The following CPT1A variants were observed in gnomAD, a reference collection of about 807,000 sequenced individuals.
CPT1A encodes the protein carnitine O-palmitoyltransferase 1, liver isoform.
CPT1A carries 64 observed loss-of-function variants against 100.8 expected under a neutral mutation model. The ratio of observed to expected loss-of-function variants is 0.63; its 90% CI spans 0.52 to 0.78. The LOEUF is 0.78. Ranked by LOEUF, CPT1A falls within the 30% of genes least tolerant of loss-of-function variation. The probability of loss-of-function intolerance (pLI) is 0.00; values close to 1 mark genes in which losing one functional copy is unlikely to be tolerated. For missense variants in CPT1A, 802 were observed against 1,034.1 expected, an observed-to-expected ratio of 0.78 and a Z score of 3.08; for synonymous variants, 363 against 396.0, an observed-to-expected ratio of 0.92 and a Z score of 0.99.
intron 14 of CPT1A, among the ~76,000 whole-genome samples, chr11:68,765,600 T>A (rs1012758013): frequency 6.6e-6 from 1 of 152,210 alleles, no homozygotes; most frequent in African/African-American, 2.4e-5. Flanking sequence ...TTGGTAGGGC[T>A]TCCAAAGCAG....
intron 3 of CPT1A, among the ~76,000 whole-genome samples, chr11:68,810,783 G>A (rs866038239): frequency 2.6e-5 from 4 of 152,112 alleles, no homozygotes; most frequent in African/African-American, 9.7e-5. Flanking sequence ...TCAATAGTTC[G>A]AGATCAGCCT....
chr11:68,776,951 A>G (rs1855157680), intron 12 of CPT1A, among the ~76,000 whole-genome samples: 1 of 152,158 alleles, frequency 6.6e-6, no homozygotes, highest in Non-Finnish European at 1.5e-5. Flanking sequence ...GAGGGAGGTA[A>G]AAACAACAAC....
chr11:68,819,397 C>G (rs1856519075), intron 1 of CPT1A, among the ~76,000 whole-genome samples: 1 of 152,158 alleles, frequency 6.6e-6, no homozygotes, highest in Admixed American at 6.5e-5. Context: ...TAACTCTTAG[C>G]CCCCTTCCCC....
chr11:68,823,199 G>A (rs1196872267), intron 1 of CPT1A, among the ~76,000 whole-genome samples: 4 of 152,000 alleles, frequency 2.6e-5, no homozygotes, highest in Admixed American at 6.5e-5. Flanking sequence ...GCAGTGAGCC[G>A]TGACTGCACC....
At chr11:68,821,678 T>A (rs1206703159) in intron 1 of CPT1A, among the ~76,000 whole-genome samples, 3 of 152,254 alleles carry the variant, frequency 2.0e-5, no homozygotes, top group Non-Finnish European at 4.4e-5. Context: ...GCTGTATTTT[T>A]ATTTTGTATT....
At chr11:68,798,296 G>A (rs1007611735) in intron 6 of CPT1A, among the ~76,000 whole-genome samples, 2 of 152,208 alleles carry the variant, frequency 1.3e-5, no homozygotes, top group Non-Finnish European at 2.9e-5. Flanking sequence ...GAGCTGTGCA[G>A]AGAGCTGACG....
intron 16 of CPT1A, among the ~76,000 whole-genome samples, chr11:68,761,012 C>G (rs1946798422): frequency 6.6e-6 from 1 of 151,684 alleles, no homozygotes; most frequent in South Asian, 2.1e-4. Context: ...CAGAGCGAGA[C>G]TCCATCTCCA....
At chr11:68,833,815 T>G (rs1856942421) in intron 1 of CPT1A, among the ~76,000 whole-genome samples, 1 of 152,006 alleles carries the variant, frequency 6.6e-6, no homozygotes, top group African/African-American at 2.4e-5. Flanking sequence ...TCACCTTATG[T>G]TTTTCGGAGG....
chr11:68,824,958 C>T (rs1856684641), intron 1 of CPT1A, among the ~76,000 whole-genome samples: 1 of 152,038 alleles, frequency 6.6e-6, no homozygotes, highest in Admixed American at 6.6e-5. Context: ...GACACTGCAC[C>T]CAGCTGATTT....
intron 1 of CPT1A, among the ~76,000 whole-genome samples, chr11:68,840,914 A>G (rs1046998576): frequency 2.0e-5 from 3 of 151,504 alleles, no homozygotes; most frequent in Non-Finnish European, 2.9e-5. Context: ...CCAGCCCGGC[A>G]CGACCTTGGG....
intron 5 of CPT1A, among the ~76,000 whole-genome samples, chr11:68,800,984 C>T (rs1455404811): frequency 1.3e-5 from 2 of 151,908 alleles, no homozygotes; most frequent in Admixed American, 6.6e-5. Flanking sequence ...TGGTGCACAC[C>T]TGTGGCCCCA....
rs72943250 is a variant in CPT1A at position 68,795,200 on chromosome 11, T to C, written c.772-289A>G. 0.022 allele frequency among the ~76,000 whole-genome samples: 3,416 copies of C among 152,288 alleles called. 54 individuals carry two copies. Among genetic ancestry groups the C allele is most frequent in the Middle Eastern group, 0.041 (12 of 294 alleles). ...ACAGAGAAAGGAAAGCAAAAATTAG[T>C]CGGGGAGCAATTAGACAATCAGGAA... On this transcript the variant is annotated intron_variant, in intron 7 of 18. Transcript: ENST00000265641.
chr11:68,789,028 G>C (rs950889166), intron 9 of CPT1A, among the ~76,000 whole-genome samples: 1 of 152,126 alleles, frequency 6.6e-6, no homozygotes, highest in African/African-American at 2.4e-5. Flanking sequence ...AGGAAAACAG[G>C]AAAGAAAGAA....
chr11:68,787,825 T>C (rs1323003550), intron 9 of CPT1A, among the ~76,000 whole-genome samples: 2 of 151,254 alleles, frequency 1.3e-5, no homozygotes, highest in African/African-American at 2.4e-5. Flanking sequence ...ACACCTGTAG[T>C]CCCAGCTACT....
intron 2 of CPT1A, among the ~76,000 whole-genome samples, chr11:68,815,006 C>G (rs1856343856): frequency 6.6e-6 from 1 of 152,152 alleles, no homozygotes; most frequent in African/African-American, 2.4e-5. Flanking sequence ...CCTATTTGAA[C>G]AAGGTGTAAA....
Position 68,804,106 on chromosome 11 carries a change from A to G in CPT1A, c.454-5T>C. 6.2e-7 allele frequency: 1 copy of G among 1,607,842 alleles called. No homozygotes were observed. The highest frequency in any genetic ancestry group is 1.7e-5 in the Admixed American group (1 of 59,996). Reference sequence around the variant, plus strand: ...TGAAAAGATCTTGACCATACCCTGAAGAGAGAGAATTATATTTTCAGACTA... The same window carrying G: ...TGAAAAGATCTTGACCATACCCTGAGGAGAGAGAATTATATTTTCAGACTA... On this transcript the variant is annotated splice_polypyrimidine_tract_variant and splice_region_variant and intron_variant, in intron 4 of 18. Coordinates refer to ENST00000265641, the MANE Select transcript of CPT1A (RefSeq NM_001876.4).
intron 1 of CPT1A, among the ~76,000 whole-genome samples, chr11:68,816,849 G>C (rs577450546): frequency 6.8e-6 from 1 of 146,254 alleles, no homozygotes; most frequent in African/African-American, 2.5e-5. Context: ...TGGTGTGTGC[G>C]TGTGTGGTGT....
At chr11:68,804,475 C>G (rs55774404) in intron 4 of CPT1A, among the ~76,000 whole-genome samples, 8 of 152,102 alleles carry the variant, frequency 5.3e-5, no homozygotes, top group Non-Finnish European at 1.2e-4. Flanking sequence ...GTTGTCTCAG[C>G]TACTTGGGAG....
Position 68,757,297 on chromosome 11 carries a change from GA to G in CPT1A, c.*346del. On this transcript the variant is annotated 3_prime_UTR_variant, in exon 19 of 19. Coordinates refer to ENST00000265641, the MANE Select transcript of CPT1A (RefSeq NM_001876.4). ...GCACTAGGCCTTCGGTTGCCACTGA[GA>G]AAGCACACCATTTCCATTCCACTGT... 8.5e-7 allele frequency: 1 copy of G among 1,177,156 alleles called. No individual in the cohort carries two copies. Among genetic ancestry groups the G allele is most frequent in the South Asian group, 2.0e-5 (1 of 48,994 alleles). The allele number at this position is 1,177,156 out of a possible 1,614,324, so 72.9% of individuals were successfully genotyped here.
Sources: gnomAD v4.1 joint callset for allele counts (sites outside exome capture counted in the v4.1 genomes callset) on GRCh38, gnomAD v4.1.1 for gene constraint, MANE v1.5 for transcripts, NCBI Gene and HGNC (gene_info 2026-07-23, HGNC 2026-07-21) for gene names.